The following NRDC variants were observed in gnomAD, a reference collection of about 807,000 sequenced individuals.
The protein encoded by NRDC is nardilysin convertase.
NRDC carries 54 observed loss-of-function variants against 147.1 expected under a neutral mutation model. The ratio of observed to expected loss-of-function variants is 0.37; its 90% CI spans 0.29 to 0.46. The LOEUF is 0.46. Ranked by LOEUF, NRDC falls within the 20% of genes least tolerant of loss-of-function variation. NRDC has a pLI of 1.00. For missense variants in NRDC, 1,082 were observed against 1,370.6 expected (o/e 0.79, Z 3.33); for synonymous variants, 440 against 482.1 (o/e 0.91, Z 1.14).
chr1:51,865,042 A>G lies in NRDC; in HGVS notation c.341+13233T>C, dbSNP rs78205318. On this transcript the variant is annotated intron_variant, in intron 1 of 30. Transcript: ENST00000352171. ...AAAAAGTGCAAACCATAAAAGATCAATAACTGATTCAATGTTTGACTTTAT... is the reference window on the plus strand; with the variant it reads ...AAAAAGTGCAAACCATAAAAGATCAGTAACTGATTCAATGTTTGACTTTAT... Among the ~76,000 whole-genome samples, 1,107 of 152,170 alleles carry G rather than the reference A, an allele frequency of 7.3e-3. 13 individuals are homozygous for G. The highest frequency in any genetic ancestry group is 0.026 in the African/African-American group (1,061 of 41,542).
intron 1 of NRDC, among the ~76,000 whole-genome samples, chr1:51,856,660 C>A (rs1682258640): frequency 6.6e-6 from 1 of 152,110 alleles, no homozygotes; most frequent in Admixed American, 6.6e-5. Flanking sequence ...TTGAGCCATC[C>A]TGAAGCTTCT....
chr1:51,810,807 G>A (rs1276564622), intron 15 of NRDC, among the ~76,000 whole-genome samples: 1 of 152,130 alleles, frequency 6.6e-6, no homozygotes, highest in Non-Finnish European at 1.5e-5. Flanking sequence ...TCAGCTTTGG[G>A]TGATGGTTAA....
At chr1:51,814,917 T>C (rs2149203777) in intron 11 of NRDC, 104 bp from the exon 12 acceptor site, 1 of 1,251,882 alleles carries the variant, frequency 8.0e-7, no homozygotes, top group East Asian at 2.6e-5. Flanking sequence ...AATGTGGAAA[T>C]CTCAGCCTTT....
At chr1:51,858,512 A>G (rs1312552492) in intron 1 of NRDC, among the ~76,000 whole-genome samples, 3 of 152,074 alleles carry the variant, frequency 2.0e-5, no homozygotes, top group African/African-American at 7.2e-5. Context: ...GCTCAGGTGA[A>G]TAATTCACAA....
chr1:51,831,581 T>C (rs1680710276), intron 4 of NRDC, among the ~76,000 whole-genome samples: 1 of 151,338 alleles, frequency 6.6e-6, no homozygotes, highest in African/African-American at 2.4e-5. Flanking sequence ...GATTTATCTT[T>C]CTTTTTTTTT....
intron 1 of NRDC, among the ~76,000 whole-genome samples, chr1:51,856,301 C>A (rs1231014045): frequency 1.3e-5 from 2 of 152,190 alleles, no homozygotes; most frequent in Admixed American, 1.3e-4. Flanking sequence ...TGGACACCAA[C>A]TGGGTGTCCT....
At chr1:51,837,618 T>C (rs765796393) in intron 2 of NRDC, 2 of 1,515,574 alleles carry the variant, frequency 1.3e-6, no homozygotes, top group Non-Finnish European at 1.8e-6. Context: ...GGCTCTGCAA[T>C]TGCTAGAAAA....
At chr1:51,814,510 C>T in intron 13 of NRDC, 41 bp downstream of exon 13, 1 of 1,591,360 alleles carries the variant, frequency 6.3e-7, no homozygotes, top group African/African-American at 1.3e-5. Flanking sequence ...TCAAATATAC[C>T]AGGACTGGCT....
chr1:51,868,012 T>C (rs1225213637), intron 1 of NRDC, among the ~76,000 whole-genome samples: 3 of 152,162 alleles, frequency 2.0e-5, no homozygotes, highest in Non-Finnish European at 1.5e-5. Flanking sequence ...GGAGAACAAT[T>C]GCTGGAATAA....
At position 51,789,638 on chromosome 1, in the gene NRDC, A is replaced by G; in HGVS notation, c.3188T>C (p.Phe1063Ser). Residue 1063 changes from phenylalanine to serine, a missense_variant, in exon 30 of 31, where the codon TTC (phenylalanine) becomes TCC (serine). Phe to Ser is a radical substitution (Grantham distance 155, BLOSUM62 -2). Transcript: ENST00000352171. ...CCAGTTGACCAGGTCTGATTTTGAG[A>G]ATGACTTCAGTGCTTCAATCTTACA... ...LAHEIEALKSFSKSDLVNWFK... is the reference protein window; with the variant it reads ...LAHEIEALKSSSKSDLVNWFK... 6.2e-7 allele frequency: 1 copy of G among 1,613,354 alleles called. No homozygotes were observed. Among genetic ancestry groups the G allele is most frequent in the Non-Finnish European group, 8.5e-7 (1 of 1,179,328 alleles).
At position 51,792,074 on chromosome 1, in the gene NRDC, C is replaced by A. The variant is rs1678683705; in HGVS notation, c.2848G>T (p.Asp950Tyr). 4 of 1,613,852 alleles carry A rather than the reference C, an allele frequency of 2.5e-6. No homozygotes were observed. The highest frequency in any genetic ancestry group is 3.4e-6 in the Non-Finnish European group (4 of 1,179,988). Residue 950 changes from aspartate (D) to tyrosine (Y), a missense_variant, in exon 26 of 31, where the codon GAC (aspartate) becomes TAC (tyrosine). This residue lies in a region of NRDC where 635 missense variants were observed against 923.8 expected (regional missense o/e 0.69). Coordinates refer to ENST00000352171, the MANE Select transcript of NRDC (RefSeq NM_001101662.2). ...AGGGTCTGCTTGGTTCGAAGGAAGT[C>A]AAAACAAGGTTCTTCCATGTGCATC... The part of the protein sequence containing the change: ...LVMHMEEPCF[D>Y]FLRTKQTLGY...
In NRDC at chr1:51,795,359, C is replaced by T. The variant is rs1392228598; in HGVS notation, c.2605-505G>A. The T allele has an allele frequency of 3.1e-5, 14 of 457,482 alleles. 1 individual carries two copies. The highest frequency in any genetic ancestry group is 4.9e-5 in the Non-Finnish European group (14 of 287,506). 28.3% of individuals were successfully genotyped at this position (457,482 alleles called of 1,614,324 possible). A position where few individuals can be genotyped will look rare whatever the true frequency, so the allele number is the denominator to read the frequency against. ...TTTCTACTGGAGGAAATTCATGGTA[C>T]TAAGGACTCTGTATCAAAAGCCCTT... On this transcript the variant is annotated intron_variant, in intron 22 of 30. Coordinates refer to ENST00000352171, the MANE Select transcript of NRDC (RefSeq NM_001101662.2).
chr1:51,827,831 T>C lies in NRDC; in HGVS notation c.905A>G (p.Asp302Gly). 6.2e-7 allele frequency: 1 copy of C among 1,613,926 alleles called. No homozygotes were observed. Among genetic ancestry groups the C allele is most frequent in the South Asian group, 1.1e-5 (1 of 91,070 alleles). ...AGCTTCAACTTCACGGTCAATTGCA[T>C]CTCTGATCATTAGTGGGTGGATGAA... ...QFFIHPLMIRDAIDREVEAVD... is the reference protein window; with the variant it reads ...QFFIHPLMIRGAIDREVEAVD... Residue 302 changes from aspartate (D) to glycine (G), a missense_variant, in exon 5 of 31, where the codon GAT becomes GGT. Around this residue, in one of 3 missense-constraint regions of NRDC, gnomAD observed 635 missense variants for 923.8 expected, o/e 0.69. Transcript: ENST00000352171.
intron 8 of NRDC, 88 bp from the exon 9 acceptor site, chr1:51,819,961 T>A: frequency 1.0e-6 from 1 of 977,512 alleles, no homozygotes; most frequent in South Asian, 1.4e-5. Context: ...GAGATATTTA[T>A]AATCTATTCT....
chr1:51,853,899 A>G (rs1571908529), intron 1 of NRDC, among the ~76,000 whole-genome samples: 1 of 152,300 alleles, frequency 6.6e-6, no homozygotes. Context: ...AATAAAATCC[A>G]TGTTTTCTGG....
chr1:51,836,096 A>C, intron 3 of NRDC, 35 bp downstream of exon 3: 5 of 1,563,786 alleles, frequency 3.2e-6, no homozygotes, highest in Non-Finnish European at 4.4e-6. Flanking sequence ...GGGGGGAAAA[A>C]AACACACCAG....
At chr1:51,865,514 G>C (rs773153952) in intron 1 of NRDC, among the ~76,000 whole-genome samples, 2 of 151,888 alleles carry the variant, frequency 1.3e-5, no homozygotes, top group Non-Finnish European at 2.9e-5. Context: ...TGTTGGCCAG[G>C]CTGGTCTTGC....
chr1:51,825,418 T>C, intron 5 of NRDC, 36 bp from the exon 6 acceptor site: 2 of 1,414,832 alleles, frequency 1.4e-6, no homozygotes, highest in Non-Finnish European at 2.0e-6. Flanking sequence ...TAAAACAAAA[T>C]TCAGTATCTC....
chr1:51,837,637 T>C (rs1336034390), intron 2 of NRDC: 3 of 1,477,994 alleles, frequency 2.0e-6, no homozygotes, highest in Middle Eastern at 1.8e-4. Flanking sequence ...AAGAAATTCA[T>C]ACTTGAGAAT....
Sources: gnomAD v4.1 joint callset for allele counts (sites outside exome capture counted in the v4.1 genomes callset) on GRCh38, gnomAD v4.1.1 for gene constraint, gnomAD v4.1.1 regional missense constraint, MANE v1.5 for transcripts, NCBI Gene and HGNC (gene_info 2026-07-23, HGNC 2026-07-21) for gene names.